The following IGF1R variants were observed in gnomAD, a reference collection of about 807,000 sequenced individuals.
The protein encoded by IGF1R is insulin like growth factor 1 receptor, also known as insulin-like growth factor 1 receptor.
In IGF1R, 44 loss-of-function variants were observed where a neutral mutation model predicts 144.6. That is an observed-to-expected ratio of 0.30 (90% confidence interval 0.24 to 0.39). The LOEUF (loss-of-function observed/expected upper bound fraction) is 0.39, where lower values mean the gene tolerates loss of function less well. IGF1R is among the 10% of genes least tolerant of loss of function. The pLI, the probability that IGF1R is intolerant of heterozygous loss-of-function variation, is 1.00. For synonymous variants in IGF1R, 795 were observed against 722.8 expected, an observed-to-expected ratio of 1.10 and a Z score of -1.60; for missense variants, 1,355 against 1,833.7, an observed-to-expected ratio of 0.74 and a Z score of 4.77.
chr15:98,895,229 C>CACACAG (rs1555457903), intron 3 of IGF1R, among the ~76,000 whole-genome samples: 58 of 35,470 alleles, frequency 1.6e-3, no homozygotes, highest in African/African-American at 4.9e-3. Context: ...GCACCACACA[C>CACACAG]ACACACACAC....
rs927933420 is a variant in IGF1R at position 98,835,920 on chromosome 15, G to T, written c.641-55405G>T. Among the ~76,000 whole-genome samples the T allele has an allele frequency of 7.9e-5, 12 of 152,298 alleles. No individual in the cohort carries two copies. The South Asian group carries it at 1.9e-3, about 24-fold the overall frequency. On this transcript the variant is annotated intron_variant, in intron 2 of 20. Coordinates refer to ENST00000650285, the MANE Select transcript of IGF1R (RefSeq NM_000875.5). The stretch of plus-strand genomic sequence containing the variant: ...GGGAGATTTGCTGTGGAAGGTGTTG[G>T]GGGTACAGGGATTGTGAAGATAATG...
chr15:98,825,630 C>T (rs1596334868), intron 2 of IGF1R, among the ~76,000 whole-genome samples: 2 of 152,198 alleles, frequency 1.3e-5, no homozygotes, highest in East Asian at 3.9e-4. Flanking sequence ...AACCATCCCT[C>T]TCCCCCACCC....
At chr15:98,675,250 G>C (rs553963696) in intron 1 of IGF1R, among the ~76,000 whole-genome samples, 1 of 152,172 alleles carries the variant, frequency 6.6e-6, no homozygotes, top group Non-Finnish European at 1.5e-5. Context: ...TGGTCTCCCA[G>C]AGTGCTGGGA....
At chr15:98,706,793 C>T (rs1023922974) in intron 1 of IGF1R, among the ~76,000 whole-genome samples, 15 of 149,300 alleles carry the variant, frequency 1.0e-4, no homozygotes, top group African/African-American at 3.4e-4. Context: ...CATTGTTTAT[C>T]GTGGAATGTT....
At chr15:98,914,511 A>G (rs1239823177) in intron 8 of IGF1R, among the ~76,000 whole-genome samples, 2 of 152,240 alleles carry the variant, frequency 1.3e-5, no homozygotes, top group African/African-American at 4.8e-5. Context: ...GTCACTGGGT[A>G]AAGTGCTTAT....
In IGF1R at chr15:98,770,979, C is replaced by T. The variant is rs1375317066; in HGVS notation, c.640+62872C>T. On this transcript the variant is annotated intron_variant, in intron 2 of 20. Transcript: ENST00000650285. ...AAAAAGGTCCCAGTTGTGTCTTAGT[C>T]CCCATGGCAGTACTTTTGAACATTT... 2.0e-5 allele frequency among the ~76,000 whole-genome samples: 3 copies of T among 152,162 alleles called. No homozygotes were observed. In the South Asian group the frequency reaches 6.2e-4, roughly 31 times the overall value.
intron 20 of IGF1R, among the ~76,000 whole-genome samples, chr15:98,954,575 T>C (rs1039510044): frequency 6.6e-6 from 1 of 152,266 alleles, no homozygotes; most frequent in East Asian, 1.9e-4. Flanking sequence ...TCTGGAATGG[T>C]TTAAAAGAGG....
chr15:98,804,255 G>T (rs2056424650), intron 2 of IGF1R, among the ~76,000 whole-genome samples: 1 of 152,170 alleles, frequency 6.6e-6, no homozygotes, highest in South Asian at 2.1e-4. Context: ...TATTTATTTA[G>T]AGGAATGTTA....
intron 2 of IGF1R, among the ~76,000 whole-genome samples, chr15:98,760,179 T>TA (rs5814896): frequency 0.27 from 39,151 of 144,812 alleles, 5,436 homozygotes; most frequent in South Asian, 0.41. Context: ...TGTCTCTACT[T>TA]AAAAAAAAAA....
chr15:98,779,950 C>A (rs1356923789), intron 2 of IGF1R, among the ~76,000 whole-genome samples: 1 of 152,192 alleles, frequency 6.6e-6, no homozygotes, highest in African/African-American at 2.4e-5. Flanking sequence ...TCAGCTGTGA[C>A]CATTGAAGAC....
intron 2 of IGF1R, among the ~76,000 whole-genome samples, chr15:98,755,177 G>C (rs921686290): frequency 6.6e-6 from 1 of 151,998 alleles, no homozygotes; most frequent in Non-Finnish European, 1.5e-5. Context: ...TATTAGTATA[G>C]TGAATAGCCT....
chr15:98,675,628 G>T (rs1224913291), intron 1 of IGF1R, among the ~76,000 whole-genome samples: 1 of 152,070 alleles, frequency 6.6e-6, no homozygotes, highest in Non-Finnish European at 1.5e-5. Context: ...TTATACTCAA[G>T]TCAAAATCGG....
intron 2 of IGF1R, among the ~76,000 whole-genome samples, chr15:98,850,430 G>T (rs2011488107): frequency 6.6e-6 from 1 of 152,210 alleles, no homozygotes; most frequent in Admixed American, 6.5e-5. Flanking sequence ...GACACCTGGG[G>T]GGGGCACCAC....
chr15:98,924,969 C>G (rs1466637152), intron 13 of IGF1R, among the ~76,000 whole-genome samples: 2 of 151,426 alleles, frequency 1.3e-5, no homozygotes, highest in African/African-American at 4.9e-5. Context: ...GAGACAGTTG[C>G]TTTCAACCTG....
intron 6 of IGF1R, among the ~76,000 whole-genome samples, chr15:98,909,363 G>A (rs552398766): frequency 6.9e-6 from 1 of 145,960 alleles, no homozygotes; most frequent in South Asian, 2.2e-4. Flanking sequence ...GGTTCAAGCG[G>A]TTCTCATGCC....
intron 1 of IGF1R, among the ~76,000 whole-genome samples, chr15:98,698,445 T>C (rs146112719): frequency 2.9e-3 from 448 of 152,328 alleles, no homozygotes; most frequent in South Asian, 0.021. Flanking sequence ...CTGTACCCAT[T>C]AATAACTCCC....
chr15:98,874,973 G>A (rs1363734727), intron 2 of IGF1R, among the ~76,000 whole-genome samples: 1 of 152,186 alleles, frequency 6.6e-6, no homozygotes, highest in East Asian at 1.9e-4. Context: ...CTGGGTTTCA[G>A]GTCACACTGA....
rs2151745459 is a variant in IGF1R at position 98,961,402 on chromosome 15, C to T, written c.*3960C>T. The T allele has an allele frequency of 4.3e-6, 1 of 233,498 alleles. No individual in the cohort carries two copies. The highest frequency in any genetic ancestry group is 2.2e-5 in the African/African-American group (1 of 45,438). The allele number at this position is 233,498 out of a possible 1,614,324, so 14.5% of individuals were successfully genotyped here. On this transcript the variant is annotated 3_prime_UTR_variant, in exon 21 of 21. Coordinates refer to ENST00000650285, the MANE Select transcript of IGF1R (RefSeq NM_000875.5). Reference sequence around the variant, plus strand: ...CATAGCAAATGCTTCAGAAACACCTCAATAAAAGAGAAAACTTGGCTTGTG... The same window carrying T: ...CATAGCAAATGCTTCAGAAACACCTTAATAAAAGAGAAAACTTGGCTTGTG...
chr15:98,690,879 AG>A (rs965070593), intron 1 of IGF1R, among the ~76,000 whole-genome samples: 1 of 152,252 alleles, frequency 6.6e-6, no homozygotes, highest in African/African-American at 2.4e-5. Context: ...CAGAGCAGTA[AG>A]GGTACTTTTT....
Sources: gnomAD v4.1 joint callset for allele counts (sites outside exome capture counted in the v4.1 genomes callset) on GRCh38, gnomAD v4.1.1 for gene constraint, MANE v1.5 for transcripts, NCBI Gene and HGNC (gene_info 2026-07-23, HGNC 2026-07-21) for gene names.